Variants in ZFAT observed in about 807,000 individuals in gnomAD.
The protein encoded by ZFAT is zinc finger and AT-hook domain containing.
Under a neutral mutation model 117.7 loss-of-function variants are expected in ZFAT, and 64 were observed. The ratio of observed to expected loss-of-function variants is 0.54; its 90% CI spans 0.44 to 0.67. The LOEUF is 0.67. ZFAT is among the 30% of genes least tolerant of loss of function. The pLI, the probability that ZFAT is intolerant of heterozygous loss-of-function variation, is 0.00. For missense variants in ZFAT, 1,433 were observed against 1,584.5 expected (o/e 0.90, Z 1.62); for synonymous variants, 679 against 615.0 (o/e 1.10, Z -1.54).
intron 1 of ZFAT, among the ~76,000 whole-genome samples, chr8:134,692,195 G>C (rs897752679): frequency 1.3e-5 from 2 of 152,204 alleles, no homozygotes; most frequent in Non-Finnish European, 2.9e-5. Context: ...TGCCAAGGAA[G>C]AAAGATCAGG....
chr8:134,814,078 G>A, the ZFAT span, among the ~76,000 whole-genome samples: 1 of 152,072 alleles, frequency 6.6e-6, no homozygotes, highest in Non-Finnish European at 1.5e-5. Context: ...AAAATTATAA[G>A]CTCTTGAAAG....
the ZFAT span, among the ~76,000 whole-genome samples, chr8:134,820,900 G>A: frequency 1.3e-5 from 2 of 152,104 alleles, no homozygotes; most frequent in Admixed American, 6.6e-5. Context: ...AATGTGTCTC[G>A]CCCCTGACAC....
rs375391640 is a variant in ZFAT, at chr8:134,712,813, C to T, written c.19+32G>A. On this transcript the variant is annotated intron_variant, in intron 1 of 15. Coordinates refer to ENST00000377838, the MANE Select transcript of ZFAT (RefSeq NM_020863.4). ...GCGCCGCGCCGCGCCCCACCCCCACCCCGTCTCACCCCAACCCCCAGCCCG... is the reference window on the plus strand; with the variant it reads ...GCGCCGCGCCGCGCCCCACCCCCACTCCGTCTCACCCCAACCCCCAGCCCG... 1.2e-4 allele frequency: 148 copies of T among 1,215,150 alleles called. 1 individual carries two copies. In the East Asian group the frequency reaches 2.9e-3, roughly 24 times the overall value. 75.3% of individuals were successfully genotyped at this position (1,215,150 alleles called of 1,614,324 possible).
At chr8:134,632,624 TATG>T (rs1225303387) in intron 3 of ZFAT, among the ~76,000 whole-genome samples, 1 of 152,092 alleles carries the variant, frequency 6.6e-6, no homozygotes, top group African/African-American at 2.4e-5. Context: ...TTTTGTAAAC[TATG>T]ATAAAAGGGC....
chr8:134,538,534 A>G (rs10088972), intron 11 of ZFAT, among the ~76,000 whole-genome samples: 56,492 of 152,110 alleles, frequency 0.37, 11,161 homozygotes, highest in Admixed American at 0.5. Flanking sequence ...GCAGTGGCTC[A>G]CGCCTGTAAT....
At position 134,648,436 on chromosome 8, in the gene ZFAT, T is replaced by C. The variant is rs1469669106; in HGVS notation, c.196+9125A>G. 3.3e-5 allele frequency among the ~76,000 whole-genome samples: 5 copies of C among 151,782 alleles called. No individual in the cohort carries two copies. In the East Asian group the frequency reaches 9.6e-4, roughly 29 times the overall value. On this transcript the variant is annotated intron_variant, in intron 2 of 15. Transcript: ENST00000377838. ...TTCAGCTAAACTTACCAAGAAAAAA[T>C]AGCAAGACCTAATTTGTTAAAATCA...
Position 134,637,545 on chromosome 8 carries a change from A to G in ZFAT, c.364T>C (p.Cys122Arg), listed in dbSNP as rs1436673860. ...TGGCGCGTGTTGGAGAACTTCCGAC[A>G]GCACTTGCTACACTCCAAGCTGCTT... The part of the protein sequence containing the change: ...PPSSLECSKC[C>R]RKFSNTRQLR... The change falls in exon 3 of 16, where the codon TGT becomes CGT. Residue 122 changes from cysteine to arginine, a missense_variant. By Grantham distance (180) the Cys-to-Arg change is radical (BLOSUM62 -3). This residue lies in a region of ZFAT where 436 missense variants were observed against 482.0 expected (regional missense o/e 0.90). Coordinates refer to ENST00000377838, the MANE Select transcript of ZFAT (RefSeq NM_020863.4). 2.5e-6 allele frequency: 4 copies of G among 1,614,138 alleles called. No individual in the cohort carries two copies. The Admixed American group carries it at 6.7e-5, about 27-fold the overall frequency.
chr8:134,766,450 C>G, the ZFAT span: 1 of 152,218 alleles, frequency 6.6e-6, no homozygotes, highest in Admixed American at 6.5e-5. Context: ...GTTCAACCAT[C>G]ATTAACTCAT....
upstream of ZFAT, among the ~76,000 whole-genome samples, chr8:134,717,713 C>G (rs1814228150): frequency 6.6e-6 from 1 of 151,274 alleles, no homozygotes; most frequent in Non-Finnish European, 1.5e-5. Context: ...GTCTCCATCT[C>G]CTGACCTCGT....
At chr8:134,605,910 G>T (rs1282190698) in intron 5 of ZFAT, among the ~76,000 whole-genome samples, 1 of 152,186 alleles carries the variant, frequency 6.6e-6, no homozygotes, top group Non-Finnish European at 1.5e-5. Context: ...AAGCAGACAA[G>T]GACCATCAGG....
chr8:134,605,851 C>T (rs1038471701), intron 5 of ZFAT, among the ~76,000 whole-genome samples: 3 of 152,178 alleles, frequency 2.0e-5, no homozygotes, highest in African/African-American at 7.2e-5. Context: ...CTCTGGAGCT[C>T]ACCTTCCAGA....
intron 12 of ZFAT, among the ~76,000 whole-genome samples, chr8:134,527,371 C>A (rs190870738): frequency 8.8e-4 from 134 of 152,318 alleles, no homozygotes; most frequent in African/African-American, 3.1e-3. Context: ...ACAGTAGCTA[C>A]AGGCAACTAA....
intron 1 of ZFAT, among the ~76,000 whole-genome samples, chr8:134,708,984 CTTAT>C (rs1813889245): frequency 6.6e-6 from 1 of 151,952 alleles, no homozygotes; most frequent in Non-Finnish European, 1.5e-5. Flanking sequence ...TTAAAAATGA[CTTAT>C]TTAAAAAAAA....
Position 134,522,799 on chromosome 8 carries a change from CAGA to C in ZFAT, c.3116-1801_3116-1799del, listed in dbSNP as rs1004170639. ...CCCTAGTCAACTCTGTCCAATTATC[CAGA>C]AGAAGAACTGCAATTCTCCATCCAT... On this transcript the variant is annotated intron_variant, in intron 12 of 15. Coordinates refer to ENST00000377838, the MANE Select transcript of ZFAT (RefSeq NM_020863.4). 3.3e-5 allele frequency among the ~76,000 whole-genome samples: 5 copies of C among 152,194 alleles called. No homozygotes were observed. In the East Asian group the frequency reaches 5.8e-4, roughly 18 times the overall value.
At chr8:134,560,810 G>T (rs1006970876) in intron 11 of ZFAT, among the ~76,000 whole-genome samples, 2 of 152,234 alleles carry the variant, frequency 1.3e-5, no homozygotes, top group African/African-American at 4.8e-5. Flanking sequence ...AAAGCAAAGA[G>T]TTGAATAGCT....
At chr8:134,610,320 A>C in intron 4 of ZFAT, 150 bp downstream of exon 4, 1 of 862,226 alleles carries the variant, frequency 1.2e-6, no homozygotes, top group South Asian at 1.9e-5. Context: ...GCAGTAAGTA[A>C]GTCTCATCCT....
chr8:134,510,073 C>A, intron 14 of ZFAT: 1 of 468,070 alleles, frequency 2.1e-6, no homozygotes, highest in Non-Finnish European at 4.3e-6. Flanking sequence ...TGCTCTGAGT[C>A]CTAACATGCG....
chr8:134,485,573 G>A (rs1431707824), intron 15 of ZFAT, among the ~76,000 whole-genome samples: 1 of 152,152 alleles, frequency 6.6e-6, no homozygotes, highest in East Asian at 1.9e-4. Flanking sequence ...TGCCAAACAG[G>A]AAGACTGTGG....
chr8:134,806,069 TCA>T, the ZFAT span, among the ~76,000 whole-genome samples: 3 of 152,160 alleles, frequency 2.0e-5, no homozygotes, highest in Admixed American at 2.0e-4. Context: ...CACAATTAAG[TCA>T]CAGTGATTTA....
Sources: allele counts gnomAD v4.1 joint callset (sites outside exome capture counted in the v4.1 genomes callset), GRCh38; gene constraint gnomAD v4.1.1; regional missense constraint gnomAD v4.1.1; transcripts MANE v1.5; gene names NCBI Gene and HGNC (gene_info 2026-07-23, HGNC 2026-07-21).